The following SIGLECL1 variants were observed in gnomAD, a reference collection of about 807,000 sequenced individuals.
The protein encoded by SIGLECL1 is SIGLEC family-like protein 1.
SIGLECL1 carries 16 observed loss-of-function variants against 19.1 expected under a neutral mutation model. That is an observed-to-expected ratio of 0.84 (90% CI 0.57 to 1.27). The LOEUF (loss-of-function observed/expected upper bound fraction) is 1.27, where lower values mean the gene tolerates loss of function less well. SIGLECL1 is among the 50% of genes most tolerant of loss of function. The pLI, the probability that SIGLECL1 is intolerant of heterozygous loss-of-function variation, is 0.00. For synonymous variants in SIGLECL1, 89 were observed against 90.4 expected (o/e 0.98, Z 0.09); for missense variants, 210 against 239.4 (o/e 0.88, Z 0.81).
intron 1 of SIGLECL1, among the ~76,000 whole-genome samples, chr19:51,260,088 G>C (rs746539980): frequency 1.3e-5 from 2 of 152,180 alleles, no homozygotes; most frequent in African/African-American, 4.8e-5. Context: ...ATGGGAAACT[G>C]TACTATTAAA....
At chr19:51,255,314 A>G (rs7256372) in intron 1 of SIGLECL1, among the ~76,000 whole-genome samples, 3 of 151,952 alleles carry the variant, frequency 2.0e-5, no homozygotes, top group Non-Finnish European at 4.4e-5. Flanking sequence ...TAAAACTACT[A>G]AAAGAAAACA....
rs751727740 is a variant in SIGLECL1, at chr19:51,265,530, T to C, written c.185T>C (p.Leu62Pro). The change falls in exon 3 of 6, where the codon CTT (leucine) becomes CCT (proline). Residue 62 changes from leucine to proline, a missense_variant. Leu to Pro is a moderately conservative substitution (Grantham distance 98, BLOSUM62 -3). Coordinates refer to ENST00000601727, the MANE Select transcript of SIGLECL1 (RefSeq NM_001385465.1). Reference sequence around the variant, plus strand: ...AGCCTCCAAGTGACTTCCACCATGCTTGGCCCCTGGGCTAACAGCACCATC... The same window carrying C: ...AGCCTCCAAGTGACTTCCACCATGCCTGGCCCCTGGGCTAACAGCACCATC... ...DGSLQVTSTM[L>P]GPWANSTISL... is the part of the protein sequence containing the mutation. The C allele has an allele frequency of 6.2e-7, 1 of 1,614,034 alleles. No homozygotes were observed. Among genetic ancestry groups the C allele is most frequent in the Admixed American group, 1.7e-5 (1 of 60,004 alleles).
intron 1 of SIGLECL1, among the ~76,000 whole-genome samples, chr19:51,252,294 C>CT (rs1276632757): frequency 1.5e-5 from 2 of 137,590 alleles, no homozygotes; most frequent in Non-Finnish European, 3.0e-5. Flanking sequence ...GAGACTCTGT[C>CT]TCAAAAAAAA....
At chr19:51,252,247 A>G (rs1982535710) in intron 1 of SIGLECL1, among the ~76,000 whole-genome samples, 1 of 151,926 alleles carries the variant, frequency 6.6e-6, no homozygotes, top group Admixed American at 6.6e-5. Context: ...CAGTGAGCCA[A>G]GATCGTGCCA....
chr19:51,265,687 A>G (rs201133234), intron 3 of SIGLECL1, 38 bp downstream of exon 3: 1 of 1,611,798 alleles, frequency 6.2e-7, no homozygotes, highest in East Asian at 2.2e-5. Context: ...GGTGAGGACA[A>G]TAAGCGGGAT....
At chr19:51,264,856 C>G (rs932400539) in intron 2 of SIGLECL1, among the ~76,000 whole-genome samples, 1 of 152,186 alleles carries the variant, frequency 6.6e-6, no homozygotes, top group African/African-American at 2.4e-5. Flanking sequence ...TAATACTTCA[C>G]TACGCACTGA....
At chr19:51,258,592 T>C (rs1982975888) in intron 1 of SIGLECL1, among the ~76,000 whole-genome samples, 1 of 152,218 alleles carries the variant, frequency 6.6e-6, no homozygotes, top group African/African-American at 2.4e-5. Context: ...ATCCTGATGC[T>C]GGCCCAATCT....
At chr19:51,260,885 G>A (rs534687355) in intron 1 of SIGLECL1, among the ~76,000 whole-genome samples, 3 of 152,264 alleles carry the variant, frequency 2.0e-5, no homozygotes, top group South Asian at 4.2e-4. Flanking sequence ...CAAAGAAATT[G>A]TATTCTGCAG....
chr19:51,268,481 A>G, intron 5 of SIGLECL1, 90 bp from the exon 6 acceptor site: 1 of 1,368,252 alleles, frequency 7.3e-7, no homozygotes, highest in Non-Finnish European at 1.0e-6. Flanking sequence ...TCTGTGCACA[A>G]GGGGGTGTCT....
At position 51,251,227 on chromosome 19, in the gene SIGLECL1, G is replaced by A. The variant is rs182620025; in HGVS notation, c.-509G>A. 779 of 153,008 alleles carry A rather than the reference G, an allele frequency of 5.1e-3. 6 individuals are homozygous for A. The highest frequency in any genetic ancestry group is 0.017 in the African/African-American group (727 of 41,586). 9.5% of individuals were successfully genotyped at this position (153,008 alleles called of 1,614,324 possible). On this transcript the variant is annotated 5_prime_UTR_variant, in exon 1 of 6. Coordinates refer to ENST00000601727, the MANE Select transcript of SIGLECL1 (RefSeq NM_001385465.1). ...TCCCTGGCAGTTGTTGGGTTCTGGC[G>A]GTTGTTGGGTCCCTGGCAGTTGTTG...
At position 51,265,465 on chromosome 19, in the gene SIGLECL1, G is replaced by A. The variant is rs376539635; in HGVS notation, c.120G>A (p.Trp40Ter). The part of the protein sequence containing the change: ...HGIPTPSVQW[W>*]MGGVPVGVDG... ...TTCCCACACCCTCTGTGCAGTGGTG[G>A]ATGGGAGGAGTCCCCGTGGGTGTGG... The change falls in exon 3 of 6, where the codon TGG becomes TGA. Residue 40 changes from tryptophan to a stop codon, truncating the protein, a stop_gained. Coordinates refer to ENST00000601727, the MANE Select transcript of SIGLECL1 (RefSeq NM_001385465.1). LOFTEE classifies it high-confidence loss of function. 4 of 1,614,032 alleles carry A rather than the reference G, an allele frequency of 2.5e-6. No homozygotes were observed. The highest frequency in any genetic ancestry group is 2.7e-5 in the African/African-American group (2 of 74,932).
At chr19:51,265,096 C>T (rs559936804) in intron 2 of SIGLECL1, among the ~76,000 whole-genome samples, 1 of 152,256 alleles carries the variant, frequency 6.6e-6, no homozygotes, top group Non-Finnish European at 1.5e-5. Context: ...GCTTGGACTT[C>T]TAGCCTTGCA....
At chr19:51,267,967 A>C (rs1204004864) in intron 5 of SIGLECL1, among the ~76,000 whole-genome samples, 2 of 152,080 alleles carry the variant, frequency 1.3e-5, no homozygotes, top group African/African-American at 2.4e-5. Flanking sequence ...CCTGTACCCC[A>C]CATCTTCAGC....
chr19:51,264,408 G>T, intron 2 of SIGLECL1: 1 of 291,740 alleles, frequency 3.4e-6, no homozygotes, highest in Non-Finnish European at 6.5e-6. Flanking sequence ...TGTTTCTGTG[G>T]GCACACTTTG....
upstream of SIGLECL1, among the ~76,000 whole-genome samples, chr19:51,248,937 G>C (rs1982350232): frequency 6.6e-6 from 1 of 152,156 alleles, no homozygotes; most frequent in Non-Finnish European, 1.5e-5. Flanking sequence ...TGGAAACAAA[G>C]GCCTTGGAGC....
chr19:51,250,666 T>C (rs1251339843), upstream of SIGLECL1, among the ~76,000 whole-genome samples: 1 of 152,034 alleles, frequency 6.6e-6, no homozygotes, highest in Non-Finnish European at 1.5e-5. Context: ...GTCCTCAGGG[T>C]TGGAGAGGAG....
chr19:51,262,365 A>T (rs1008577835), intron 1 of SIGLECL1, among the ~76,000 whole-genome samples: 1 of 152,200 alleles, frequency 6.6e-6, no homozygotes, highest in African/African-American at 2.4e-5. Context: ...GATTTTGAAG[A>T]GTGTATAAAG....
chr19:51,248,679 C>A (rs989502), upstream of SIGLECL1, among the ~76,000 whole-genome samples: 19,949 of 152,104 alleles, frequency 0.13, 1,976 homozygotes, highest in East Asian at 0.32. Context: ...TCCAGAAGTG[C>A]CAAACCACCT....
intron 1 of SIGLECL1, among the ~76,000 whole-genome samples, chr19:51,253,889 G>A (rs866707956): frequency 6.6e-6 from 1 of 152,178 alleles, no homozygotes; most frequent in Non-Finnish European, 1.5e-5. Flanking sequence ...ATAATGAGAT[G>A]TACCTCACAG....
Sources: allele counts gnomAD v4.1 joint callset (sites outside exome capture counted in the v4.1 genomes callset), GRCh38; gene constraint gnomAD v4.1.1; transcripts MANE v1.5; gene names NCBI Gene and HGNC (gene_info 2026-07-23, HGNC 2026-07-21).